The following LRRC7 variants were observed in gnomAD, a reference collection of about 807,000 sequenced individuals.
The protein encoded by LRRC7 is leucine-rich repeat-containing protein 7.
In LRRC7, 23 loss-of-function variants were observed where a neutral mutation model predicts 175.7. The ratio of observed to expected loss-of-function variants is 0.13; its 90% CI spans 0.09 to 0.19. The LOEUF (loss-of-function observed/expected upper bound fraction) is 0.19. Among genes scored for constraint, LRRC7 ranks in the 10% least tolerant of loss-of-function variants. LRRC7 has a pLI of 1.00. For synonymous variants in LRRC7, 685 were observed against 680.9 expected (o/e 1.01, Z -0.09); for missense variants, 1,354 against 1,904.7 (o/e 0.71, Z 5.38).
At chr1:69,719,398 A>G (rs900511449) in intron 2 of LRRC7, among the ~76,000 whole-genome samples, 1 of 151,602 alleles carries the variant, frequency 6.6e-6, no homozygotes, top group African/African-American at 2.4e-5. Context: ...AAGTACTCCT[A>G]TATCATCTAC....
intron 22 of LRRC7, among the ~76,000 whole-genome samples, chr1:70,045,757 C>T (rs1171894370): frequency 6.6e-6 from 1 of 152,134 alleles, no homozygotes; most frequent in Non-Finnish European, 1.5e-5. Context: ...CTGGGGGAGC[C>T]TCACTATCAT....
intron 9 of LRRC7, among the ~76,000 whole-genome samples, chr1:69,980,745 G>T (rs1049372284): frequency 2.6e-5 from 4 of 151,912 alleles, no homozygotes; most frequent in Admixed American, 6.6e-5. Flanking sequence ...AGAATTTATA[G>T]TTATATTTTT....
intron 3 of LRRC7, among the ~76,000 whole-genome samples, chr1:69,787,323 C>T (rs1674558617): frequency 1.3e-5 from 2 of 152,164 alleles, no homozygotes; most frequent in African/African-American, 4.8e-5. Flanking sequence ...GAGGATCTAC[C>T]ATTCTGGGGT....
intron 4 of LRRC7, among the ~76,000 whole-genome samples, chr1:69,816,019 CG>C (rs1166726664): frequency 6.6e-6 from 1 of 151,752 alleles, no homozygotes; most frequent in Non-Finnish European, 1.5e-5. Flanking sequence ...CTTGCTGTGT[CG>C]CCCAGGCTGG....
chr1:69,888,792 G>C (rs1211144477), intron 7 of LRRC7, among the ~76,000 whole-genome samples: 1 of 152,084 alleles, frequency 6.6e-6, no homozygotes, highest in Non-Finnish European at 1.5e-5. Context: ...AAGATGGGGA[G>C]ATGTAGCCCA....
chr1:69,589,180 G>A (rs1411489762), intron 1 of LRRC7, among the ~76,000 whole-genome samples: 3 of 151,528 alleles, frequency 2.0e-5, no homozygotes, highest in Non-Finnish European at 4.4e-5. Context: ...GAGAGAGAGA[G>A]ACATGCTGTG....
At position 70,039,707 on chromosome 1, in the gene LRRC7, G is replaced by A. The variant is rs1659695421; in HGVS notation, c.3883G>A (p.Val1295Met). The A allele has an allele frequency of 6.2e-7, 1 of 1,614,012 alleles. No homozygotes were observed. The highest frequency in any genetic ancestry group is 1.3e-5 in the African/African-American group (1 of 74,930). ...NSDLKTRPTPVKGEESCGKMP... is the reference protein window; with the variant it reads ...NSDLKTRPTPMKGEESCGKMP... ...TGATTTAAAGACGAGGCCTACTCCT[G>A]TGAAGGGAGAGGAGAGCTGTGGTAA... Residue 1295 changes from valine (V) to methionine (M), a missense_variant, in exon 21 of 27, where the codon GTG becomes ATG. Transcript: ENST00000651989.
chr1:69,907,072 G>A (rs1203490947), intron 7 of LRRC7, among the ~76,000 whole-genome samples: 1 of 151,940 alleles, frequency 6.6e-6, no homozygotes, highest in Non-Finnish European at 1.5e-5. Flanking sequence ...GTCTGTTCTT[G>A]GTGTATAAGA....
At chr1:70,051,911 A>G (rs1660775671) in intron 22 of LRRC7, among the ~76,000 whole-genome samples, 1 of 152,122 alleles carries the variant, frequency 6.6e-6, no homozygotes, top group African/African-American at 2.4e-5. Flanking sequence ...ATATAACCAG[A>G]TAAAGCTTAG....
chr1:70,044,931 C>T (rs1311137782), intron 22 of LRRC7, among the ~76,000 whole-genome samples: 1 of 151,990 alleles, frequency 6.6e-6, no homozygotes, highest in African/African-American at 2.4e-5. Flanking sequence ...AAAAGCAGTG[C>T]AAAGTAGGGA....
At chr1:69,871,782 G>A (rs1028858104) in intron 7 of LRRC7, among the ~76,000 whole-genome samples, 2 of 151,818 alleles carry the variant, frequency 1.3e-5, no homozygotes, top group Non-Finnish European at 2.9e-5. Flanking sequence ...ATTCTCACAA[G>A]GAATCTGTTT....
At chr1:69,868,920 T>TAC (rs1174951165) in intron 7 of LRRC7, among the ~76,000 whole-genome samples, 12 of 102,776 alleles carry the variant, frequency 1.2e-4, no homozygotes, top group Non-Finnish European at 2.2e-4. Flanking sequence ...TGTACATATG[T>TAC]ACATATATAT....
chr1:69,919,525 C>T, intron 7 of LRRC7: 2 of 809,724 alleles, frequency 2.5e-6, no homozygotes, highest in Non-Finnish European at 2.1e-6. Context: ...CAGGGTCCGC[C>T]GCTCGCACCT....
At chr1:69,753,255 A>G (rs1019460462) in intron 2 of LRRC7, among the ~76,000 whole-genome samples, 1 of 151,406 alleles carries the variant, frequency 6.6e-6, no homozygotes, top group Non-Finnish European at 1.5e-5. Context: ...TTTTGTACCT[A>G]TAAAGTATCC....
At chr1:69,992,600 G>A (rs1350328329) in intron 10 of LRRC7, among the ~76,000 whole-genome samples, 1 of 152,196 alleles carries the variant, frequency 6.6e-6, no homozygotes, top group Admixed American at 6.5e-5. Flanking sequence ...GACTCTGTCC[G>A]AAGAGTATCC....
chr1:70,141,476 T>G lies in LRRC7; in HGVS notation c.*19589T>G, dbSNP rs1259360824. ...AGGCCTAGCAATCCTAAATCTCCTA[T>G]GTCCTCAATATCTAGAAACAAGCAG... On this transcript the variant is annotated 3_prime_UTR_variant, in exon 27 of 27. Transcript: ENST00000651989. The G allele has an allele frequency of 6.6e-6, 1 of 152,072 alleles. No individual in the cohort carries two copies. The highest frequency in any genetic ancestry group is 1.9e-4 in the East Asian group (1 of 5,190). 9.4% of individuals were successfully genotyped at this position (152,072 alleles called of 1,614,324 possible). A position where few individuals can be genotyped will look rare whatever the true frequency, so the allele number is the denominator to read the frequency against.
chr1:69,898,403 A>G (rs1046959313), intron 7 of LRRC7, among the ~76,000 whole-genome samples: 1 of 152,238 alleles, frequency 6.6e-6, no homozygotes, highest in African/African-American at 2.4e-5. Context: ...GATTGGATTC[A>G]TATGTACCAC....
intron 14 of LRRC7, among the ~76,000 whole-genome samples, chr1:70,018,244 T>C (rs1298964330): frequency 1.3e-5 from 2 of 152,094 alleles, no homozygotes; most frequent in African/African-American, 4.8e-5. Context: ...ATCTATAAAG[T>C]GGACCCTGTC....
chr1:69,793,314 C>T (rs747870037), intron 4 of LRRC7, among the ~76,000 whole-genome samples: 54 of 151,980 alleles, frequency 3.6e-4, no homozygotes, highest in Admixed American at 9.8e-4. Context: ...CAGATAGGAC[C>T]AAAAGAAGCT....
Sources: gnomAD v4.1 joint callset for allele counts (sites outside exome capture counted in the v4.1 genomes callset) on GRCh38, gnomAD v4.1.1 for gene constraint, MANE v1.5 for transcripts, NCBI Gene and HGNC (gene_info 2026-07-23, HGNC 2026-07-21) for gene names.